NRSN1: variants seen among roughly 807,000 people sequenced by gnomAD.
NRSN1 encodes neurensin-1.
Under a neutral mutation model 17.3 loss-of-function variants are expected in NRSN1, and 14 were observed. That is an observed-to-expected ratio of 0.81 (90% CI 0.54 to 1.27). The LOEUF is 1.27. Among genes scored for constraint, NRSN1 ranks in the 50% most tolerant of loss-of-function variants. NRSN1 has a pLI of 0.00. For missense variants in NRSN1, 209 were observed against 235.9 expected (o/e 0.89, Z 0.75); for synonymous variants, 79 against 94.2 (o/e 0.84, Z 0.93).
Position 24,142,912 on chromosome 6 carries a change from C to T in NRSN1, c.190-2636C>T, listed in dbSNP as rs935932981. ...CAGCTTTTATATCCTTATTTGGCCC[C>T]GCCCACATCCTGCTGATTGGTCCAT... On this transcript the variant is annotated intron_variant, in intron 3 of 3. Coordinates refer to ENST00000378491, the MANE Select transcript of NRSN1 (RefSeq NM_080723.5). 4.3e-4 allele frequency among the ~76,000 whole-genome samples: 66 copies of T among 152,234 alleles called. 1 individual carries two copies. Among genetic ancestry groups the T allele is most frequent in the African/African-American group, 1.6e-3 (65 of 41,546 alleles).
chr6:24,132,948 C>T (rs77778758), intron 2 of NRSN1, among the ~76,000 whole-genome samples: 3,498 of 152,256 alleles, frequency 0.023, 67 homozygotes, highest in South Asian at 0.049. Flanking sequence ...TTTCACATTT[C>T]CAGCTATACA....
At chr6:24,127,544 T>C (rs923601852) in intron 1 of NRSN1, among the ~76,000 whole-genome samples, 1 of 152,226 alleles carries the variant, frequency 6.6e-6, no homozygotes, top group Non-Finnish European at 1.5e-5. Flanking sequence ...AAATTTTGCA[T>C]GGGCACCTGC....
intron 3 of NRSN1, among the ~76,000 whole-genome samples, chr6:24,137,291 A>G (rs546192075): frequency 2.9e-4 from 44 of 152,326 alleles, no homozygotes; most frequent in African/African-American, 1.0e-3. Flanking sequence ...ATGCATCTGC[A>G]TAACATCTAT....
intron 3 of NRSN1, among the ~76,000 whole-genome samples, chr6:24,139,894 G>A (rs529150703): frequency 6.6e-6 from 1 of 152,244 alleles, no homozygotes; most frequent in South Asian, 2.1e-4. Context: ...TTGCACTCCA[G>A]CCTGAATGAC....
intron 3 of NRSN1, among the ~76,000 whole-genome samples, chr6:24,141,924 C>T (rs2113716902): frequency 6.6e-6 from 1 of 151,672 alleles, no homozygotes; most frequent in East Asian, 1.9e-4. Context: ...TTTCGGCTAC[C>T]CTCAATTTTT....
intron 3 of NRSN1, 104 bp downstream of exon 3, chr6:24,134,620 C>A: frequency 1.1e-6 from 1 of 898,898 alleles, no homozygotes; most frequent in Non-Finnish European, 1.7e-6. Flanking sequence ...GCTGTGTGTG[C>A]ATCACTCTTG....
chr6:24,145,412 T>C lies in NRSN1; in HGVS notation c.190-136T>C. On this transcript the variant is annotated intron_variant, in intron 3 of 3. Coordinates refer to ENST00000378491, the MANE Select transcript of NRSN1 (RefSeq NM_080723.5). This position sits in a 1 kb window ranked among gnomAD's most constrained non-coding sequence, Gnocchi z 4.4. Reference sequence around the variant, plus strand: ...CTTTTTCAACAGAAAATTAAGTAAGTGTTTCCTGCAAATTTGGGGTAACTG... The same window carrying C: ...CTTTTTCAACAGAAAATTAAGTAAGCGTTTCCTGCAAATTTGGGGTAACTG... The C allele has an allele frequency of 1.7e-6, 1 of 603,804 alleles. No individual in the cohort carries two copies. Among genetic ancestry groups the C allele is most frequent in the Non-Finnish European group, 2.7e-6 (1 of 364,590 alleles). The allele number at this position is 603,804 out of a possible 1,614,324, so 37.4% of individuals were successfully genotyped here. A position where few individuals can be genotyped will look rare whatever the true frequency, so the allele number is the denominator to read the frequency against.
In NRSN1 at chr6:24,135,796, AGTGT is replaced by A. The variant is rs541504371; in HGVS notation, c.189+1282_189+1285del. ...GACTTCTGAGATCATCCAGGAGAAG[AGTGT>A]GGACATAGAAGAGAAGAGGGCATTG... is the stretch of plus-strand genomic sequence containing the variant. On this transcript the variant is annotated intron_variant, in intron 3 of 3. Transcript: ENST00000378491. Among the ~76,000 whole-genome samples, 13 of 152,322 alleles carry A rather than the reference AGTGT, an allele frequency of 8.5e-5. No individual in the cohort carries two copies. In the South Asian group the frequency reaches 2.5e-3, roughly 29 times the overall value.
At chr6:24,137,642 A>G (rs1448393996) in intron 3 of NRSN1, among the ~76,000 whole-genome samples, 1 of 152,026 alleles carries the variant, frequency 6.6e-6, no homozygotes, top group Admixed American at 6.6e-5. Flanking sequence ...TTAACTCGTC[A>G]TTTAACATTA....
At chr6:24,132,306 C>A (rs1760046059) in intron 2 of NRSN1, among the ~76,000 whole-genome samples, 1 of 152,212 alleles carries the variant, frequency 6.6e-6, no homozygotes, top group African/African-American at 2.4e-5. Flanking sequence ...TCTATCCAAT[C>A]AAACTAACTG....
At chr6:24,140,274 T>C (rs1177476273) in intron 3 of NRSN1, among the ~76,000 whole-genome samples, 1 of 152,058 alleles carries the variant, frequency 6.6e-6, no homozygotes, top group African/African-American at 2.4e-5. Context: ...AGCTGGAGAA[T>C]TGCTTTCGAA....
chr6:24,133,073 A>C (rs1581548484), intron 2 of NRSN1, among the ~76,000 whole-genome samples: 1 of 150,378 alleles, frequency 6.6e-6, no homozygotes, highest in Admixed American at 6.6e-5. Flanking sequence ...TTAGTAACAA[A>C]ATCCATATAA....
At chr6:24,138,419 C>T (rs954036211) in intron 3 of NRSN1, among the ~76,000 whole-genome samples, 7 of 152,178 alleles carry the variant, frequency 4.6e-5, no homozygotes, top group African/African-American at 1.4e-4. Context: ...GCTGTTGCCA[C>T]TTGATTGTCC....
At chr6:24,130,154 C>T (rs940398416) in intron 2 of NRSN1, among the ~76,000 whole-genome samples, 3 of 152,122 alleles carry the variant, frequency 2.0e-5, no homozygotes, top group Non-Finnish European at 2.9e-5. Context: ...TAGATTTAAC[C>T]TTTTTGTTGT....
At chr6:24,132,233 G>A (rs535048954) in intron 2 of NRSN1, among the ~76,000 whole-genome samples, 1 of 152,124 alleles carries the variant, frequency 6.6e-6, no homozygotes, top group Non-Finnish European at 1.5e-5. Context: ...GGTTTACTTT[G>A]TGCCCACTGC....
At chr6:24,142,641 T>C (rs1439612684) in intron 3 of NRSN1, among the ~76,000 whole-genome samples, 1 of 151,970 alleles carries the variant, frequency 6.6e-6, no homozygotes. Context: ...GTATTTTTAG[T>C]AGAGATGGGG....
intron 2 of NRSN1, chr6:24,129,049 A>C (rs548516952): frequency 3.3e-5 from 5 of 152,378 alleles, no homozygotes; most frequent in African/African-American, 9.6e-5. Flanking sequence ...TATATTACAC[A>C]GAAATTTAAA....
chr6:24,136,992 C>T (rs553028333), intron 3 of NRSN1, among the ~76,000 whole-genome samples: 2 of 152,130 alleles, frequency 1.3e-5, no homozygotes, highest in Non-Finnish European at 2.9e-5. Flanking sequence ...TGCTTTGTAC[C>T]AACACAGGAA....
intron 1 of NRSN1, among the ~76,000 whole-genome samples, chr6:24,127,081 G>A (rs1339441446): frequency 6.6e-6 from 1 of 152,114 alleles, no homozygotes; most frequent in Non-Finnish European, 1.5e-5. Flanking sequence ...ATTCAGAGAG[G>A]CAGAGAGAGA....
Sources: allele counts gnomAD v4.1 joint callset (sites outside exome capture counted in the v4.1 genomes callset), GRCh38; gene constraint gnomAD v4.1.1; non-coding constraint Gnocchi (gnomAD v3.1); transcripts MANE v1.5; gene names NCBI Gene and HGNC (gene_info 2026-07-23, HGNC 2026-07-21).